XYLT1: variants seen among roughly 807,000 people sequenced by gnomAD.
The protein encoded by XYLT1 is beta-D-xylosyltransferase 1.
Under a neutral mutation model 91.3 loss-of-function variants are expected in XYLT1, and 36 were observed. That is an observed-to-expected ratio of 0.39 (90% CI 0.30 to 0.52). The LOEUF (loss-of-function observed/expected upper bound fraction) is 0.52. Among genes scored for constraint, XYLT1 ranks in the 20% least tolerant of loss-of-function variants. The probability of loss-of-function intolerance (pLI) is 0.68; values close to 1 mark genes in which losing one functional copy is unlikely to be tolerated. For synonymous variants in XYLT1, 588 were observed against 532.0 expected, an observed-to-expected ratio of 1.11 and a Z score of -1.45; for missense variants, 1,242 against 1,284.5, an observed-to-expected ratio of 0.97 and a Z score of 0.51.
chr16:17,226,515 C>T (rs1426962062), intron 3 of XYLT1, among the ~76,000 whole-genome samples: 1 of 152,184 alleles, frequency 6.6e-6, no homozygotes, highest in Non-Finnish European at 1.5e-5. Context: ...CCAGCAGGCA[C>T]AGTGGCTCAC....
At chr16:17,300,230 T>C (rs1017559069) in intron 2 of XYLT1, among the ~76,000 whole-genome samples, 16 of 152,142 alleles carry the variant, frequency 1.1e-4, no homozygotes, top group Non-Finnish European at 2.4e-4. Context: ...AAATGCTATC[T>C]TTTAAGAAGT....
chr16:17,194,237 G>A (rs933849957), intron 5 of XYLT1: 2 of 152,144 alleles, frequency 1.3e-5, no homozygotes, highest in Non-Finnish European at 2.9e-5. Context: ...TTACTTGCCC[G>A]CGGTCACGCT....
At chr16:17,172,584 G>T (rs1270361474) in intron 5 of XYLT1, among the ~76,000 whole-genome samples, 1 of 146,630 alleles carries the variant, frequency 6.8e-6, no homozygotes, top group Admixed American at 7.3e-5. Context: ...CGATTATCCT[G>T]CCTCAGCCTC....
chr16:17,451,071 A>C (rs2036659697), intron 1 of XYLT1, among the ~76,000 whole-genome samples: 1 of 152,224 alleles, frequency 6.6e-6, no homozygotes, highest in African/African-American at 2.4e-5. Flanking sequence ...GTTGTTGGAC[A>C]GAGTGATTTT....
chr16:17,464,613 T>C (rs533085690), intron 1 of XYLT1, among the ~76,000 whole-genome samples: 1 of 152,214 alleles, frequency 6.6e-6, no homozygotes, highest in East Asian at 1.9e-4. Flanking sequence ...ACACATTATA[T>C]GAACCTATCA....
chr16:17,269,699 C>G (rs779349775), intron 2 of XYLT1, among the ~76,000 whole-genome samples: 1 of 152,120 alleles, frequency 6.6e-6, no homozygotes, highest in African/African-American at 2.4e-5. Context: ...CACACATAGA[C>G]CAACCCTCCC....
intron 1 of XYLT1, among the ~76,000 whole-genome samples, chr16:17,460,057 C>A (rs2036797486): frequency 1.3e-5 from 2 of 152,266 alleles, no homozygotes; most frequent in Middle Eastern, 3.4e-3. Context: ...TCCTCACAAC[C>A]CAGGGAGGGA....
chr16:17,415,891 A>C (rs749705827), intron 1 of XYLT1, among the ~76,000 whole-genome samples: 1 of 152,202 alleles, frequency 6.6e-6, no homozygotes, highest in Non-Finnish European at 1.5e-5. Context: ...ATGGATCAAG[A>C]ATCACAGACA....
Position 17,470,875 on chromosome 16 carries a change from C to CTCG in XYLT1, c.-80_-79insCGA. 1.0e-6 allele frequency: 1 copy of CTCG among 978,596 alleles called. No homozygotes were observed. The allele number at this position is 978,596 out of a possible 1,614,324, so 60.6% of individuals were successfully genotyped here. On this transcript the variant is annotated 5_prime_UTR_variant, in exon 1 of 12. Coordinates refer to ENST00000261381, the MANE Select transcript of XYLT1 (RefSeq NM_022166.4). ...GCCCCCGCGCTCCCCGCAGCTCCCGCGGCCGCCGGCTGCCGCTCGGGCTCC... is the reference window on the plus strand; with the variant it reads ...GCCCCCGCGCTCCCCGCAGCTCCCGCTCGGGCCGCCGGCTGCCGCTCGGGCTCC...
chr16:17,176,728 T>A (rs1207215702), intron 5 of XYLT1, among the ~76,000 whole-genome samples: 2 of 152,172 alleles, frequency 1.3e-5, no homozygotes, highest in African/African-American at 2.4e-5. Flanking sequence ...CAGGAGGCAT[T>A]TAGCCTGGTG....
rs11398247 is a variant in XYLT1 at position 17,404,100 on chromosome 16, T to TG, written c.364-46051dup. On this transcript the variant is annotated intron_variant, in intron 1 of 11. Transcript: ENST00000261381. ...GTATGTGTGTGTGTCTATGTGTGGT[T>TG]GGGGGGGGGGCTCAGGGAGGAGGTG... is the stretch of plus-strand genomic sequence containing the variant. Among the ~76,000 whole-genome samples the TG allele has an allele frequency of 2.6e-3, 388 of 149,744 alleles. 1 individual carries two copies. Among genetic ancestry groups the TG allele is most frequent in the South Asian group, 0.019 (87 of 4,646 alleles).
At chr16:17,321,791 G>C (rs1047524007) in intron 2 of XYLT1, among the ~76,000 whole-genome samples, 3 of 152,158 alleles carry the variant, frequency 2.0e-5, no homozygotes, top group African/African-American at 7.2e-5. Context: ...GTAGAGACCA[G>C]AGATGCTTCT....
At chr16:17,175,718 A>G (rs1484254954) in intron 5 of XYLT1, among the ~76,000 whole-genome samples, 2 of 152,226 alleles carry the variant, frequency 1.3e-5, no homozygotes, top group East Asian at 3.8e-4. Context: ...GCTGCATGGA[A>G]GCCAGCATAT....
chr16:17,210,081 AC>A (rs1489399136), intron 3 of XYLT1, among the ~76,000 whole-genome samples: 1 of 151,996 alleles, frequency 6.6e-6, no homozygotes, highest in African/African-American at 2.4e-5. Context: ...ATTTGTAGAG[AC>A]CAGGTCTCCC....
chr16:17,109,223 GC>G (rs1966821295), intron 11 of XYLT1, among the ~76,000 whole-genome samples: 1 of 152,194 alleles, frequency 6.6e-6, no homozygotes, highest in African/African-American at 2.4e-5. Context: ...TTTGTACAGG[GC>G]ACGGTGCATG....
intron 1 of XYLT1, among the ~76,000 whole-genome samples, chr16:17,436,638 T>C (rs759227469): frequency 7.9e-5 from 12 of 152,236 alleles, no homozygotes; most frequent in Non-Finnish European, 1.6e-4. Flanking sequence ...AGGAATTTTT[T>C]AGAGTTAGGG....
intron 5 of XYLT1, among the ~76,000 whole-genome samples, chr16:17,163,975 T>C (rs188050135): frequency 7.7e-6 from 1 of 130,522 alleles, no homozygotes; most frequent in Admixed American, 9.8e-5. Flanking sequence ...GAGGTGGAGG[T>C]TGCAGTGAGG....
chr16:17,259,040 G>C lies in XYLT1; in HGVS notation c.861C>G (p.His287Gln). The change falls in exon 3 of 12, where the codon CAC becomes CAG. Residue 287 changes from histidine (H) to glutamine (Q), a missense_variant. By Grantham distance (24) the His-to-Gln change is conservative. Transcript: ENST00000261381. ...RQEIGETYCR[H>Q]KLGLLMPEKV... ...TCTCAGGCATCAGCAGCCCTAACTT[G>C]TGGCGGCAGTAAGTCTCCCCAATCT... 1 of 1,515,722 alleles carries C rather than the reference G, an allele frequency of 6.6e-7. No individual in the cohort carries two copies. Among genetic ancestry groups the C allele is most frequent in the Non-Finnish European group, 8.8e-7 (1 of 1,132,314 alleles). The allele number at this position is 1,515,722 out of a possible 1,614,324, so 93.9% of individuals were successfully genotyped here.
chr16:17,191,277 T>G (rs1374090198), intron 5 of XYLT1, among the ~76,000 whole-genome samples: 1 of 152,230 alleles, frequency 6.6e-6, no homozygotes, highest in Non-Finnish European at 1.5e-5. Context: ...TGTGCGGTCT[T>G]AACTACAGGA....
Sources: gnomAD v4.1 joint callset for allele counts (sites outside exome capture counted in the v4.1 genomes callset) on GRCh38, gnomAD v4.1.1 for gene constraint, MANE v1.5 for transcripts, NCBI Gene and HGNC (gene_info 2026-07-23, HGNC 2026-07-21) for gene names.